APBA1: variants seen among roughly 807,000 people sequenced by gnomAD.
APBA1 encodes amyloid-beta A4 precursor protein-binding family A member 1.
Under a neutral mutation model 86.6 loss-of-function variants are expected in APBA1, and 55 were observed. That is an observed-to-expected ratio of 0.64 (90% CI 0.51 to 0.80). APBA1 has a LOEUF of 0.80. Among genes scored for constraint, APBA1 ranks in the 30% least tolerant of loss-of-function variants. The pLI is 0.00. For missense variants in APBA1, 1,090 were observed against 1,183.0 expected (o/e 0.92, Z 1.15); for synonymous variants, 511 against 493.9 (o/e 1.03, Z -0.46).
intron 2 of APBA1, among the ~76,000 whole-genome samples, chr9:69,514,551 T>C (rs1399668542): frequency 6.6e-6 from 1 of 151,620 alleles, no homozygotes; most frequent in Non-Finnish European, 1.5e-5. Context: ...ATCACACCAT[T>C]GCACTCCAGC....
intron 2 of APBA1, among the ~76,000 whole-genome samples, chr9:69,490,283 A>G (rs1294991485): frequency 6.6e-6 from 1 of 151,748 alleles, no homozygotes; most frequent in Non-Finnish European, 1.5e-5. Flanking sequence ...ATGAGAACAC[A>G]TGGACACAGG....
chr9:69,647,191 G>A (rs544849117), intron 1 of APBA1, among the ~76,000 whole-genome samples: 1 of 152,178 alleles, frequency 6.6e-6, no homozygotes, highest in South Asian at 2.1e-4. Context: ...CATTTTATTG[G>A]GATTATAGCT....
intron 3 of APBA1, 59 bp from the exon 4 acceptor site, chr9:69,471,754 A>G: frequency 7.5e-7 from 1 of 1,327,038 alleles, no homozygotes; most frequent in Non-Finnish European, 1.1e-6. Flanking sequence ...ATGAATTAAC[A>G]CAATCATCCA....
intron 1 of APBA1, among the ~76,000 whole-genome samples, chr9:69,660,420 T>C (rs985755007): frequency 6.6e-6 from 1 of 152,220 alleles, no homozygotes; most frequent in African/African-American, 2.4e-5. Context: ...TTCCCTATAG[T>C]GGCAGGATAC....
At chr9:69,671,499 A>C (rs1163752077) in intron 1 of APBA1, among the ~76,000 whole-genome samples, 1 of 152,228 alleles carries the variant, frequency 6.6e-6, no homozygotes, top group Admixed American at 6.5e-5. Context: ...CACTGTGCTC[A>C]GAGTTGCAGG....
At chr9:69,601,802 CT>C (rs1239679852) in intron 1 of APBA1, among the ~76,000 whole-genome samples, 1 of 152,200 alleles carries the variant, frequency 6.6e-6, no homozygotes, top group African/African-American at 2.4e-5. Flanking sequence ...CAGGAACTTA[CT>C]TTTATTTCTG....
chr9:69,497,453 G>A (rs1263609642), intron 2 of APBA1, among the ~76,000 whole-genome samples: 5 of 152,102 alleles, frequency 3.3e-5, no homozygotes, highest in Admixed American at 2.0e-4. Flanking sequence ...ACACAGAGGG[G>A]ACCTGGAGGC....
chr9:69,466,150 CAGA>C (rs1835275833), intron 5 of APBA1, among the ~76,000 whole-genome samples: 1 of 152,104 alleles, frequency 6.6e-6, no homozygotes, highest in Admixed American at 6.5e-5. Context: ...TCTCCAAGTA[CAGA>C]GAGGTGGTCA....
intron 2 of APBA1, among the ~76,000 whole-genome samples, chr9:69,505,546 T>A (rs1835945228): frequency 6.6e-6 from 1 of 152,100 alleles, no homozygotes; most frequent in Non-Finnish European, 1.5e-5. Flanking sequence ...TTACTGCAAT[T>A]CTAGGATGGA....
chr9:69,665,656 T>C (rs1306891494), intron 1 of APBA1, among the ~76,000 whole-genome samples: 1 of 152,122 alleles, frequency 6.6e-6, no homozygotes, highest in Non-Finnish European at 1.5e-5. Context: ...GAATGGAACA[T>C]GAAACAAGGA....
chr9:69,595,445 C>A (rs1329546400), intron 1 of APBA1, among the ~76,000 whole-genome samples: 1 of 152,152 alleles, frequency 6.6e-6, no homozygotes, highest in Non-Finnish European at 1.5e-5. Flanking sequence ...CTGGTGCCCC[C>A]TGCTCTCCAT....
chr9:69,458,253 CA>C, intron 5 of APBA1, 65 bp from the exon 6 acceptor site: 3 of 1,479,352 alleles, frequency 2.0e-6, no homozygotes, highest in South Asian at 1.2e-5. Context: ...GACTCAAAGT[CA>C]AAAAGGGAAT....
intron 2 of APBA1, among the ~76,000 whole-genome samples, chr9:69,490,164 T>C (rs951303108): frequency 2.0e-5 from 3 of 152,096 alleles, no homozygotes; most frequent in Non-Finnish European, 2.9e-5. Flanking sequence ...GATGAGTTCA[T>C]GTCCTTTGTA....
intron 1 of APBA1, among the ~76,000 whole-genome samples, chr9:69,530,407 T>C (rs10867735): frequency 0.23 from 34,129 of 151,220 alleles, 4,015 homozygotes; most frequent in African/African-American, 0.29. Flanking sequence ...TGAAATCATA[T>C]TCTTTGTAGC....
At chr9:69,541,754 G>T (rs940858805) in intron 1 of APBA1, among the ~76,000 whole-genome samples, 2 of 151,854 alleles carry the variant, frequency 1.3e-5, no homozygotes, top group African/African-American at 2.4e-5. Flanking sequence ...GACAGCAAAG[G>T]TTCCCAATAA....
chr9:69,550,431 T>G (rs1488505514), intron 1 of APBA1, among the ~76,000 whole-genome samples: 1 of 152,216 alleles, frequency 6.6e-6, no homozygotes, highest in Non-Finnish European at 1.5e-5. Context: ...TGTTCCCATA[T>G]TATTTTATAA....
intron 1 of APBA1, among the ~76,000 whole-genome samples, chr9:69,591,689 CT>C (rs1316526255): frequency 2.0e-5 from 3 of 152,154 alleles, no homozygotes; most frequent in East Asian, 3.8e-4. Flanking sequence ...ATTTTCCCGC[CT>C]TTTAAAACAC....
chr9:69,577,341 G>T (rs1478792578), intron 1 of APBA1, among the ~76,000 whole-genome samples: 2 of 152,170 alleles, frequency 1.3e-5, no homozygotes, highest in South Asian at 4.1e-4. Flanking sequence ...CAACAGCTGT[G>T]ATGGTGACAT....
chr9:69,634,726 C>T (rs951996584), intron 1 of APBA1, among the ~76,000 whole-genome samples: 8 of 151,970 alleles, frequency 5.3e-5, no homozygotes, highest in East Asian at 3.9e-4. Context: ...AAAAGCAGCA[C>T]GATAAAAGAA....
Sources: allele counts gnomAD v4.1 joint callset (sites outside exome capture counted in the v4.1 genomes callset), GRCh38; gene constraint gnomAD v4.1.1; transcripts MANE v1.5; gene names NCBI Gene and HGNC (gene_info 2026-07-23, HGNC 2026-07-21).